Variants in RAP1GAP2 observed in about 807,000 individuals in gnomAD.
RAP1GAP2 encodes RAP1 GTPase activating protein 2.
Under a neutral mutation model 95.0 loss-of-function variants are expected in RAP1GAP2, and 27 were observed. The ratio of observed to expected loss-of-function variants is 0.28; its 90% CI spans 0.21 to 0.39. RAP1GAP2 has a LOEUF of 0.39. RAP1GAP2 is among the 10% of genes least tolerant of loss of function. RAP1GAP2 has a pLI of 1.00. For synonymous variants in RAP1GAP2, 373 were observed against 380.9 expected (o/e 0.98, Z 0.24); for missense variants, 771 against 970.0 (o/e 0.79, Z 2.72).
chr17:2,757,492 A>G (rs1244479738), intron 1 of RAP1GAP2, among the ~76,000 whole-genome samples: 3 of 152,106 alleles, frequency 2.0e-5, no homozygotes, highest in Admixed American at 1.3e-4. Flanking sequence ...AAAATGACAT[A>G]GCATTCCATC....
intron 3 of RAP1GAP2, 131 bp from the exon 4 acceptor site, chr17:2,957,628 G>A (rs919539151): frequency 1.9e-6 from 2 of 1,064,826 alleles, no homozygotes; most frequent in Non-Finnish European, 2.8e-6. Context: ...TATCTTCTCT[G>A]TTGATCCAAA....
chr17:2,969,494 TTC>T (rs1290744842), intron 8 of RAP1GAP2, among the ~76,000 whole-genome samples: 1 of 116,222 alleles, frequency 8.6e-6, no homozygotes, highest in Admixed American at 1.1e-4. Context: ...AATATATATA[TTC>T]TTTTTTTTTT....
chr17:2,991,448 G>A, intron 12 of RAP1GAP2, 51 bp downstream of exon 12: 2 of 1,406,582 alleles, frequency 1.4e-6, no homozygotes, highest in Non-Finnish European at 2.0e-6. Context: ...GGGCACTAGA[G>A]GAAGGGCAAG....
At chr17:2,856,780 G>C (rs1357051510) in intron 2 of RAP1GAP2, among the ~76,000 whole-genome samples, 2 of 152,226 alleles carry the variant, frequency 1.3e-5, no homozygotes, top group African/African-American at 2.4e-5. Context: ...AATGCAGGCA[G>C]ACATTGGTGG....
Position 3,020,565 on chromosome 17 carries a change from C to T in RAP1GAP2, c.1721C>T (p.Ser574Leu), listed in dbSNP as rs2046927151. Reference sequence around the variant, plus strand: ...CTCTTCCCCCGCCTGCACACGGGCTCAGAAGGCCAGGGCGACAGCCGGGCA... The same window carrying T: ...CTCTTCCCCCGCCTGCACACGGGCTTAGAAGGCCAGGGCGACAGCCGGGCA... Reference protein sequence around the residue: ...SGLFPRLHTGSEGQGDSRARC... With the variant: ...SGLFPRLHTGLEGQGDSRARC... The change falls in exon 19 of 25, where the codon TCA (serine) becomes TTA (leucine). Residue 574 changes from serine (S) to leucine (L), a missense_variant. Transcript: ENST00000254695. The T allele has an allele frequency of 3.1e-6, 5 of 1,613,918 alleles. No homozygotes were observed. The highest frequency in any genetic ancestry group is 4.2e-6 in the Non-Finnish European group (5 of 1,179,866).
intron 2 of RAP1GAP2, among the ~76,000 whole-genome samples, chr17:2,808,257 T>A (rs929931137): frequency 6.6e-6 from 1 of 152,012 alleles, no homozygotes; most frequent in African/African-American, 2.4e-5. Flanking sequence ...TGCCTGGAGC[T>A]GGTTTGGAAG....
At chr17:2,783,024 A>T (rs979772430) in intron 1 of RAP1GAP2, among the ~76,000 whole-genome samples, 2 of 152,186 alleles carry the variant, frequency 1.3e-5, no homozygotes, top group African/African-American at 4.8e-5. Context: ...CTCAAAACAA[A>T]CAAACCATCC....
intron 22 of RAP1GAP2, among the ~76,000 whole-genome samples, chr17:3,028,977 T>G (rs1466070920): frequency 3.3e-5 from 5 of 152,096 alleles, no homozygotes; most frequent in Non-Finnish European, 7.4e-5. Flanking sequence ...TTTTTTTATT[T>G]TTAGTAGAGA....
At chr17:2,809,461 C>T (rs1024699732) in intron 2 of RAP1GAP2, among the ~76,000 whole-genome samples, 5 of 152,264 alleles carry the variant, frequency 3.3e-5, no homozygotes, top group South Asian at 4.1e-4. Flanking sequence ...AAATGTGGAC[C>T]GGGTGGCCTG....
chr17:2,955,187 C>G (rs1190427286), intron 3 of RAP1GAP2, among the ~76,000 whole-genome samples: 1 of 152,146 alleles, frequency 6.6e-6, no homozygotes, highest in East Asian at 1.9e-4. Context: ...CCGTGTTGAA[C>G]ATTTCCGGGA....
At chr17:2,968,596 A>T (rs1352393684) in intron 8 of RAP1GAP2, among the ~76,000 whole-genome samples, 1 of 152,220 alleles carries the variant, frequency 6.6e-6, no homozygotes, top group Non-Finnish European at 1.5e-5. Flanking sequence ...GAATGGAAGC[A>T]TTCCAAATAG....
At chr17:2,865,395 G>A (rs2151628160) in intron 2 of RAP1GAP2, among the ~76,000 whole-genome samples, 1 of 152,300 alleles carries the variant, frequency 6.6e-6, no homozygotes, top group East Asian at 1.9e-4. Flanking sequence ...GGAGGGTGGA[G>A]CCTAGAGCAG....
At chr17:2,860,723 T>A (rs1177884784) in intron 2 of RAP1GAP2, among the ~76,000 whole-genome samples, 1 of 149,270 alleles carries the variant, frequency 6.7e-6, no homozygotes, top group Non-Finnish European at 1.5e-5. Context: ...CCTGCCTCAG[T>A]CTCCCAAGTA....
chr17:2,854,436 C>A (rs937376671), intron 2 of RAP1GAP2, among the ~76,000 whole-genome samples: 1 of 152,216 alleles, frequency 6.6e-6, no homozygotes, highest in African/African-American at 2.4e-5. Context: ...TTGATCCAGC[C>A]CAGGCGGCTC....
chr17:2,929,723 G>A (rs1260456339), intron 3 of RAP1GAP2, among the ~76,000 whole-genome samples: 2 of 152,168 alleles, frequency 1.3e-5, no homozygotes, highest in East Asian at 1.9e-4. Flanking sequence ...TGCCCTGCCC[G>A]CTCCACGAAG....
At chr17:2,897,155 A>T (rs1444215475) in intron 2 of RAP1GAP2, among the ~76,000 whole-genome samples, 1 of 152,130 alleles carries the variant, frequency 6.6e-6, no homozygotes, top group South Asian at 2.1e-4. Context: ...TGGCCAACAT[A>T]GTGAAACCCT....
intron 2 of RAP1GAP2, among the ~76,000 whole-genome samples, chr17:2,844,761 A>T (rs1227028618): frequency 2.6e-5 from 4 of 152,166 alleles, no homozygotes; most frequent in Admixed American, 1.3e-4. Context: ...GGCTAAGCCA[A>T]GCCGGAAAGT....
In RAP1GAP2 at chr17:2,963,678, C is replaced by T. The variant is rs1203382507; in HGVS notation, c.280-178C>T. Among the ~76,000 whole-genome samples the T allele has an allele frequency of 2.6e-5, 4 of 152,112 alleles. No individual in the cohort carries two copies. Among genetic ancestry groups the T allele is most frequent in the Non-Finnish European group, 4.4e-5 (3 of 68,008 alleles). ...TTCAGCCCTGGGGCTACAGGGTTGG[C>T]GAATGAAGCTGGAGGTGTTGTGGGG... On this transcript the variant is annotated intron_variant, in intron 6 of 24. Transcript: ENST00000254695. This position sits in a 1 kb window ranked among gnomAD's most constrained non-coding sequence, Gnocchi z 4.8.
chr17:2,932,604 A>AG (rs2043188930), intron 3 of RAP1GAP2, among the ~76,000 whole-genome samples: 3 of 148,344 alleles, frequency 2.0e-5, no homozygotes, highest in Admixed American at 6.8e-5. Flanking sequence ...AAAAAAAAAA[A>AG]GAGGAGCTCG....
Sources: allele counts gnomAD v4.1 joint callset (sites outside exome capture counted in the v4.1 genomes callset), GRCh38; gene constraint gnomAD v4.1.1; non-coding constraint Gnocchi (gnomAD v3.1); transcripts MANE v1.5; gene names NCBI Gene and HGNC (gene_info 2026-07-23, HGNC 2026-07-21).